ZNF43: variants seen among roughly 807,000 people sequenced by gnomAD.
The protein encoded by ZNF43 is zinc finger protein 39-like 1 (KOX 27).
In ZNF43, 44 loss-of-function variants were observed where a neutral mutation model predicts 68.4. The observed-to-expected ratio is 0.64, with a 90% CI of 0.51 to 0.83. The LOEUF is 0.83. Ranked by LOEUF, ZNF43 falls within the 40% of genes least tolerant of loss-of-function variation. The pLI is 0.00. For missense variants in ZNF43, 896 were observed against 933.2 expected (o/e 0.96, Z 0.52); for synonymous variants, 308 against 307.8 (o/e 1.00, Z -0.01).
chr19:21,850,642 G>A (rs1056324623), intron 1 of ZNF43, among the ~76,000 whole-genome samples: 2 of 152,158 alleles, frequency 1.3e-5, no homozygotes, highest in Admixed American at 6.5e-5. Context: ...ATGTCCTAAC[G>A]TCCAAAATAT....
At position 21,807,477 on chromosome 19, in the gene ZNF43, G is replaced by T; in HGVS notation, c.*130C>A. On this transcript the variant is annotated 3_prime_UTR_variant, in exon 4 of 4. Coordinates refer to ENST00000354959, the MANE Select transcript of ZNF43 (RefSeq NM_003423.4). ...AATAAGGTACGAGCATTAATTAAAAGTTTTGCCACATTCTTCACACTTGTA... is the reference window on the plus strand; with the variant it reads ...AATAAGGTACGAGCATTAATTAAAATTTTTGCCACATTCTTCACACTTGTA... The T allele has an allele frequency of 1.1e-6, 1 of 908,906 alleles. No individual in the cohort carries two copies. The highest frequency in any genetic ancestry group is 1.6e-6 in the Non-Finnish European group (1 of 631,340). 56.3% of individuals were successfully genotyped at this position (908,906 alleles called of 1,614,324 possible). A position where few individuals can be genotyped will look rare whatever the true frequency, so the allele number is the denominator to read the frequency against.
intron 1 of ZNF43, among the ~76,000 whole-genome samples, chr19:21,848,116 C>T (rs118006675): frequency 0.04 from 5,973 of 151,186 alleles, 195 homozygotes; most frequent in South Asian, 0.16. Context: ...CCACTGTGCC[C>T]GGCCTTATAT....
intron 1 of ZNF43, chr19:21,826,977 C>T (rs186826294): frequency 6.6e-6 from 1 of 152,646 alleles, no homozygotes; most frequent in Non-Finnish European, 1.5e-5. Flanking sequence ...AGAAAAACAG[C>T]TCTCCATTTG....
At chr19:21,851,931 G>T (rs921368811) in exon 1 of ZNF43, 1 of 1,575,470 alleles carries the variant, frequency 6.3e-7, no homozygotes, top group Non-Finnish European at 8.6e-7. Flanking sequence ...GGATGTCCGG[G>T]CATCTTAGCT....
chr19:21,817,372 T>C lies in ZNF43; in HGVS notation c.229+516A>G, dbSNP rs181832278. Among the ~76,000 whole-genome samples, 16 of 152,106 alleles carry C rather than the reference T, an allele frequency of 1.1e-4. No individual in the cohort carries two copies. The East Asian group carries it at 2.3e-3, about 22-fold the overall frequency. On this transcript the variant is annotated intron_variant, in intron 3 of 3. Transcript: ENST00000354959. ...AGAATAAACTTTGAACAAAGCAATCTTGAGGAAAAAGAACAAAGCAAAGAA... is the reference window on the plus strand; with the variant it reads ...AGAATAAACTTTGAACAAAGCAATCCTGAGGAAAAAGAACAAAGCAAAGAA...
At chr19:21,816,346 C>T (rs1002947036) in intron 3 of ZNF43, among the ~76,000 whole-genome samples, 5 of 152,238 alleles carry the variant, frequency 3.3e-5, no homozygotes, top group African/African-American at 1.2e-4. Context: ...AAATAAGTTC[C>T]TTTAAAAGAG....
Position 21,808,688 on chromosome 19 carries a change from C to A in ZNF43, c.1349G>T (p.Gly450Val). ...TACTTCACATTTGTAGGGTTTCTCT[C>A]CAGTATGAATTCTGTTATGTTTAGT... is the stretch of plus-strand genomic sequence containing the variant. The part of the protein sequence containing the change: ...TLTKHNRIHT[G>V]EKPYKCEVCG... The change falls in exon 4 of 4, where the codon GGA becomes GTA. Residue 450 changes from glycine to valine, a missense_variant. Physicochemically the swap from Gly to Val is moderately radical, Grantham distance 109. Transcript: ENST00000354959. The A allele has an allele frequency of 6.2e-7, 1 of 1,612,138 alleles. No homozygotes were observed. Among genetic ancestry groups the A allele is most frequent in the Non-Finnish European group, 8.5e-7 (1 of 1,179,612 alleles).
At chr19:21,820,483 CAGG>C (rs2037768601) in intron 1 of ZNF43, among the ~76,000 whole-genome samples, 1 of 150,210 alleles carries the variant, frequency 6.7e-6, no homozygotes. Context: ...GTGGTTGAGG[CAGG>C]AGATTTGCTT....
intron 3 of ZNF43, among the ~76,000 whole-genome samples, chr19:21,813,596 T>C (rs1195833078): frequency 2.0e-5 from 3 of 152,190 alleles, no homozygotes; most frequent in Non-Finnish European, 4.4e-5. Flanking sequence ...TTATTTGAGA[T>C]ATCTTAAGTA....
At chr19:21,810,482 C>A (rs1429341602) in intron 3 of ZNF43, among the ~76,000 whole-genome samples, 1 of 152,194 alleles carries the variant, frequency 6.6e-6, no homozygotes, top group East Asian at 1.9e-4. Context: ...ACATCCAACA[C>A]TGAAGATTAT....
At position 21,817,887 on chromosome 19, in the gene ZNF43, C is replaced by T. The variant is rs755444656; in HGVS notation, c.229+1G>A. On this transcript the variant is annotated splice_donor_variant, in intron 3 of 3. Transcript: ENST00000354959. LOFTEE classifies it high-confidence loss of function. Reference sequence around the variant, plus strand: ...TTGTATTCACTTTCACTCTCACCTACCTGGGGGTTTGGCTACCATTTCATG... The same window carrying T: ...TTGTATTCACTTTCACTCTCACCTATCTGGGGGTTTGGCTACCATTTCATG... 2 of 1,612,242 alleles carry T rather than the reference C, an allele frequency of 1.2e-6. No individual in the cohort carries two copies. The highest frequency in any genetic ancestry group is 1.7e-6 in the Non-Finnish European group (2 of 1,178,734).
At chr19:21,825,401 G>T (rs1247793064) in intron 1 of ZNF43, among the ~76,000 whole-genome samples, 1 of 152,206 alleles carries the variant, frequency 6.6e-6, no homozygotes, top group African/African-American at 2.4e-5. Flanking sequence ...TGTGGCAATA[G>T]CAAATAGTTT....
chr19:21,842,596 CCTATG>C (rs1568389879), intron 1 of ZNF43, among the ~76,000 whole-genome samples: 1 of 151,780 alleles, frequency 6.6e-6, no homozygotes, highest in East Asian at 1.9e-4. Flanking sequence ...GTCAAAATGC[CCTATG>C]TGGGTAAGGC....
intron 3 of ZNF43, among the ~76,000 whole-genome samples, chr19:21,815,717 T>C (rs894165501): frequency 1.4e-4 from 22 of 152,014 alleles, no homozygotes; most frequent in African/African-American, 5.3e-4. Context: ...TCTAGTATAA[T>C]TGTCCTAAAT....
intron 1 of ZNF43, among the ~76,000 whole-genome samples, chr19:21,849,259 C>T (rs890432093): frequency 3.3e-5 from 5 of 151,736 alleles, no homozygotes; most frequent in Admixed American, 6.6e-5. Flanking sequence ...GAGGCCGAGG[C>T]GGGTGGATAA....
upstream of ZNF43, among the ~76,000 whole-genome samples, chr19:21,838,214 G>A (rs1326229169): frequency 3.3e-5 from 5 of 152,092 alleles, no homozygotes; most frequent in African/African-American, 1.2e-4. Context: ...AATAAAATGG[G>A]AGGCAGATTT....
chr19:21,827,928 T>C (rs377213309), intron 1 of ZNF43, among the ~76,000 whole-genome samples: 1 of 152,204 alleles, frequency 6.6e-6, no homozygotes, highest in East Asian at 1.9e-4. Flanking sequence ...TCCAAAGTGC[T>C]GGGATTACAG....
In ZNF43 at chr19:21,807,653, A is replaced by G. The variant is rs371024943; in HGVS notation, c.2384T>C (p.Val795Ala). Residue 795 changes from valine (V) to alanine (A), a missense_variant, in exon 4 of 4, where the codon GTG becomes GCG. Coordinates refer to ENST00000354959, the MANE Select transcript of ZNF43 (RefSeq NM_003423.4). ...TTGAGGTGTTGTCAAAATCACTGTCACATCTTCAGGTTTGTAGAGTTTCTC... is the reference window on the plus strand; with the variant it reads ...TTGAGGTGTTGTCAAAATCACTGTCGCATCTTCAGGTTTGTAGAGTTTCTC... Reference protein sequence around the residue: ...TGEKLYKPEDVTVILTTPQTF... With the variant: ...TGEKLYKPEDATVILTTPQTF... 2.5e-6 allele frequency: 4 copies of G among 1,572,572 alleles called. No homozygotes were observed. In the African/African-American group the frequency reaches 4.1e-5, roughly 16 times the overall value.
At position 21,809,397 on chromosome 19, in the gene ZNF43, G is replaced by C. The variant is rs1481943396; in HGVS notation, c.640C>G (p.Pro214Ala). 6.2e-7 allele frequency: 1 copy of C among 1,613,398 alleles called. No homozygotes were observed. The highest frequency in any genetic ancestry group is 2.2e-5 in the East Asian group (1 of 44,842). ...CEKCGKAFNC[P>A]SIITKHKRIN... Reference sequence around the variant, plus strand: ...CTCTTATGTTTAGTGATGATTGAAGGGCAGTTAAAAGCTTTTCCACATTTT... The same window carrying C: ...CTCTTATGTTTAGTGATGATTGAAGCGCAGTTAAAAGCTTTTCCACATTTT... The change falls in exon 4 of 4, where the codon CCT becomes GCT. Residue 214 changes from proline (P) to alanine (A), a missense_variant. By Grantham distance (27) the Pro-to-Ala change is conservative (BLOSUM62 -1). Coordinates refer to ENST00000354959, the MANE Select transcript of ZNF43 (RefSeq NM_003423.4).
Sources: gnomAD v4.1 joint callset for allele counts (sites outside exome capture counted in the v4.1 genomes callset) on GRCh38, gnomAD v4.1.1 for gene constraint, MANE v1.5 for transcripts, NCBI Gene and HGNC (gene_info 2026-07-23, HGNC 2026-07-21) for gene names.